Variants in GALNT17 observed in about 807,000 individuals in gnomAD.
The protein encoded by GALNT17 is UDP-GalNAc:polypeptide N-acetylgalactosaminyltransferase-like 3.
In GALNT17, 29 loss-of-function variants were observed where a neutral mutation model predicts 63.7. The observed-to-expected ratio is 0.46, with a 90% CI of 0.34 to 0.62. The LOEUF (loss-of-function observed/expected upper bound fraction) is 0.62. Among genes scored for constraint, GALNT17 ranks in the 20% least tolerant of loss-of-function variants. The pLI is 0.01. For synonymous variants in GALNT17, 305 were observed against 318.3 expected (o/e 0.96, Z 0.45); for missense variants, 603 against 799.6 (o/e 0.75, Z 2.97).
At chr7:71,545,158 C>T (rs1788961925) in intron 5 of GALNT17, among the ~76,000 whole-genome samples, 1 of 152,096 alleles carries the variant, frequency 6.6e-6, no homozygotes, top group Non-Finnish European at 1.5e-5. Flanking sequence ...CTCGTCCCCT[C>T]TGTTTTTCTC....
intron 2 of GALNT17, among the ~76,000 whole-genome samples, chr7:71,337,111 GA>G (rs1258535368): frequency 1.3e-5 from 2 of 151,758 alleles, no homozygotes; most frequent in African/African-American, 2.4e-5. Context: ...ATCCCTTGGG[GA>G]CAGCATCTAT....
intron 1 of GALNT17, among the ~76,000 whole-genome samples, chr7:71,141,315 C>T (rs915203484): frequency 6.6e-6 from 1 of 150,994 alleles, no homozygotes; most frequent in Non-Finnish European, 1.5e-5. Flanking sequence ...TGCAGTGAAC[C>T]GAGATTGTGC....
intron 5 of GALNT17, among the ~76,000 whole-genome samples, chr7:71,532,892 C>T (rs775566414): frequency 2.0e-5 from 3 of 152,212 alleles, no homozygotes; most frequent in Non-Finnish European, 4.4e-5. Context: ...ACCACCATTT[C>T]TCCTCATTTT....
chr7:71,486,605 T>C (rs1787914095), intron 5 of GALNT17, among the ~76,000 whole-genome samples: 1 of 151,166 alleles, frequency 6.6e-6, no homozygotes, highest in Non-Finnish European at 1.5e-5. Context: ...GGCATGATGG[T>C]TCACACCTAC....
chr7:71,609,840 TTAG>T (rs1452418905), intron 6 of GALNT17, among the ~76,000 whole-genome samples: 2 of 152,166 alleles, frequency 1.3e-5, no homozygotes, highest in African/African-American at 4.8e-5. Context: ...AATTGTGCTA[TTAG>T]TAGGTTTTAT....
At chr7:71,347,656 A>G (rs1792119505) in intron 2 of GALNT17, among the ~76,000 whole-genome samples, 1 of 152,122 alleles carries the variant, frequency 6.6e-6, no homozygotes, top group Non-Finnish European at 1.5e-5. Context: ...CAGAGGGTCC[A>G]GCCTGAGACA....
chr7:71,290,068 T>G lies in GALNT17; in HGVS notation c.239-45482T>G, dbSNP rs1790952504. Among the ~76,000 whole-genome samples the G allele has an allele frequency of 2.6e-5, 4 of 152,052 alleles. No homozygotes were observed. The South Asian group carries it at 8.3e-4, about 32-fold the overall frequency. Reference sequence around the variant, plus strand: ...AAAAAAAACCAAAAACAAAAATCCATCAGGTTCATCATTTTAACCATTTTG... The same window carrying G: ...AAAAAAAACCAAAAACAAAAATCCAGCAGGTTCATCATTTTAACCATTTTG... On this transcript the variant is annotated intron_variant, in intron 1 of 10. Coordinates refer to ENST00000333538, the MANE Select transcript of GALNT17 (RefSeq NM_022479.3).
At chr7:71,391,254 G>A (rs1178816725) in intron 3 of GALNT17, among the ~76,000 whole-genome samples, 2 of 152,148 alleles carry the variant, frequency 1.3e-5, no homozygotes, top group African/African-American at 2.4e-5. Context: ...GGCTGGATTG[G>A]GGTGAAGACT....
chr7:71,232,301 C>T (rs986594658), intron 1 of GALNT17, among the ~76,000 whole-genome samples: 2 of 152,188 alleles, frequency 1.3e-5, no homozygotes, highest in African/African-American at 4.8e-5. Context: ...ACCCCACCAT[C>T]TCATTTGTGC....
chr7:71,398,647 C>T (rs1049038028), intron 3 of GALNT17, among the ~76,000 whole-genome samples: 6 of 152,032 alleles, frequency 3.9e-5, no homozygotes, highest in African/African-American at 1.2e-4. Flanking sequence ...TTATGATTAT[C>T]TCTTAAATAG....
chr7:71,308,256 C>T (rs966240077), intron 1 of GALNT17, among the ~76,000 whole-genome samples: 11 of 152,048 alleles, frequency 7.2e-5, no homozygotes, highest in African/African-American at 2.7e-4. Flanking sequence ...GATTGCAGCT[C>T]GGTGGGAGCA....
intron 1 of GALNT17, among the ~76,000 whole-genome samples, chr7:71,150,700 C>T (rs928433690): frequency 4.0e-5 from 6 of 151,574 alleles, no homozygotes; most frequent in Admixed American, 2.0e-4. Flanking sequence ...TTAGTAGAGA[C>T]GGGGTTTCAC....
chr7:71,494,901 A>G (rs1342314851), intron 5 of GALNT17, among the ~76,000 whole-genome samples: 1 of 152,148 alleles, frequency 6.6e-6, no homozygotes, highest in East Asian at 1.9e-4. Flanking sequence ...ATCGCGTGAG[A>G]CTTACTCACT....
chr7:71,190,033 G>C (rs886452747), intron 1 of GALNT17, among the ~76,000 whole-genome samples: 1 of 151,910 alleles, frequency 6.6e-6, no homozygotes, highest in Non-Finnish European at 1.5e-5. Flanking sequence ...GGATGGTCTC[G>C]ATCACCTGAC....
chr7:71,491,743 A>G (rs1788012422), intron 5 of GALNT17, among the ~76,000 whole-genome samples: 1 of 152,202 alleles, frequency 6.6e-6, no homozygotes, highest in Non-Finnish European at 1.5e-5. Context: ...CTAGGTCAGG[A>G]GCAGGCCTGA....
chr7:71,241,325 T>G (rs1789991927), intron 1 of GALNT17, among the ~76,000 whole-genome samples: 2 of 152,146 alleles, frequency 1.3e-5, no homozygotes, highest in South Asian at 4.1e-4. Flanking sequence ...CTTCCCCCTT[T>G]GTGAAAAAGA....
At chr7:71,609,310 AG>A (rs1264405381) in intron 6 of GALNT17, among the ~76,000 whole-genome samples, 2 of 152,230 alleles carry the variant, frequency 1.3e-5, no homozygotes, top group Non-Finnish European at 2.9e-5. Flanking sequence ...TAGACCTGAA[AG>A]ATGAGGACTG....
chr7:71,300,265 G>A, intron 1 of GALNT17: 3 of 304,814 alleles, frequency 9.8e-6, no homozygotes, highest in Non-Finnish European at 2.0e-5. Context: ...AGGAATGTGT[G>A]CTTTCATGAA....
At chr7:71,376,063 C>T (rs751183397) in intron 2 of GALNT17, among the ~76,000 whole-genome samples, 9 of 147,688 alleles carry the variant, frequency 6.1e-5, no homozygotes, top group Non-Finnish European at 1.2e-4. Flanking sequence ...TGGGCCATAG[C>T]GTGAGACTCC....
Sources: gnomAD v4.1 joint callset for allele counts (sites outside exome capture counted in the v4.1 genomes callset) on GRCh38, gnomAD v4.1.1 for gene constraint, MANE v1.5 for transcripts, NCBI Gene and HGNC (gene_info 2026-07-23, HGNC 2026-07-21) for gene names.